TLK1: variants seen among roughly 807,000 people sequenced by gnomAD.
TLK1 encodes the protein serine/threonine-protein kinase tousled-like 1.
Under a neutral mutation model 105.3 loss-of-function variants are expected in TLK1, and 24 were observed. The observed-to-expected ratio is 0.23, with a 90% CI of 0.17 to 0.32. The LOEUF (loss-of-function observed/expected upper bound fraction) is 0.32. TLK1 is among the 10% of genes least tolerant of loss of function. The pLI is 1.00. For missense variants in TLK1, 558 were observed against 910.5 expected (o/e 0.61, Z 4.98); for synonymous variants, 321 against 310.4 (o/e 1.03, Z -0.36).
At chr2:171,033,914 A>T (rs1686184364) in intron 11 of TLK1, among the ~76,000 whole-genome samples, 1 of 150,822 alleles carries the variant, frequency 6.6e-6, no homozygotes, top group Non-Finnish European at 1.5e-5. Flanking sequence ...AAAACCTCCC[A>T]CAACAACAAA....
At chr2:171,046,417 T>G (rs1686964349) in intron 10 of TLK1, 55 bp from the exon 11 acceptor site, 2 of 1,478,920 alleles carry the variant, frequency 1.4e-6, no homozygotes, top group Non-Finnish European at 1.8e-6. Context: ...TTTTCAAGGC[T>G]AAACTTGGAA....
chr2:171,143,081 A>G (rs1691648742), intron 1 of TLK1, among the ~76,000 whole-genome samples: 1 of 152,206 alleles, frequency 6.6e-6, no homozygotes, highest in African/African-American at 2.4e-5. Context: ...GTCTCTCAAT[A>G]AATGAATGAC....
At chr2:171,014,267 T>A (rs1685065811) in intron 13 of TLK1, among the ~76,000 whole-genome samples, 1 of 151,962 alleles carries the variant, frequency 6.6e-6, no homozygotes, top group Non-Finnish European at 1.5e-5. Flanking sequence ...AGGAGACAAA[T>A]AATAACTAAA....
chr2:171,114,544 T>C (rs1690325159), intron 2 of TLK1, among the ~76,000 whole-genome samples: 2 of 151,908 alleles, frequency 1.3e-5, no homozygotes. Context: ...CTCTAGAAAC[T>C]AAAAAAGGTG....
intron 12 of TLK1, among the ~76,000 whole-genome samples, chr2:171,021,433 CTTT>C (rs531522490): frequency 2.5e-4 from 29 of 116,772 alleles, no homozygotes; most frequent in African/African-American, 9.7e-4. Context: ...CCCGCCCCGA[CTTT>C]TTTTTTTTTT....
At chr2:171,123,055 A>AC (rs1558954550) in intron 1 of TLK1, among the ~76,000 whole-genome samples, 3 of 79,242 alleles carry the variant, frequency 3.8e-5, no homozygotes, top group Admixed American at 3.7e-4. Context: ...TAAATAAATA[A>AC]ATACACACAC....
intron 3 of TLK1, among the ~76,000 whole-genome samples, chr2:171,080,276 T>A (rs1226653560): frequency 6.6e-6 from 1 of 151,190 alleles, no homozygotes; most frequent in Non-Finnish European, 1.5e-5. Flanking sequence ...ACAACTGTAG[T>A]AAATTGGAGA....
At chr2:171,212,002 C>T (rs903952170) in intron 1 of TLK1, among the ~76,000 whole-genome samples, 12 of 152,106 alleles carry the variant, frequency 7.9e-5, no homozygotes, top group Middle Eastern at 3.4e-3. Context: ...TGCACCACTA[C>T]GCCCAGCTAA....
At chr2:171,098,130 A>T (rs1429074495) in intron 2 of TLK1, among the ~76,000 whole-genome samples, 2 of 151,940 alleles carry the variant, frequency 1.3e-5, no homozygotes, top group East Asian at 3.9e-4. Context: ...AGATTTTGGT[A>T]AAAGGGTACA....
chr2:171,146,571 A>C (rs1005448607), intron 1 of TLK1, among the ~76,000 whole-genome samples: 3 of 152,222 alleles, frequency 2.0e-5, no homozygotes, highest in Non-Finnish European at 4.4e-5. Flanking sequence ...AATTAACATC[A>C]CTACCATATA....
At chr2:171,214,599 A>T (rs1192297010) in intron 1 of TLK1, among the ~76,000 whole-genome samples, 1 of 152,056 alleles carries the variant, frequency 6.6e-6, no homozygotes, top group East Asian at 1.9e-4. Flanking sequence ...CCACCCTACA[A>T]TTTCTGATTC....
At chr2:171,059,358 A>C (rs1199118893) in intron 4 of TLK1, among the ~76,000 whole-genome samples, 2 of 152,192 alleles carry the variant, frequency 1.3e-5, no homozygotes. Context: ...CCTTCACCCT[A>C]CATGGCACAT....
chr2:171,011,496 C>T (rs1224070384), intron 13 of TLK1, 42 bp from the exon 14 acceptor site: 2 of 1,548,864 alleles, frequency 1.3e-6, no homozygotes, highest in South Asian at 1.2e-5. Flanking sequence ...AAAACACACA[C>T]ATAAAAATTC....
At position 171,081,772 on chromosome 2, in the gene TLK1, C is replaced by T. The variant is rs930313632; in HGVS notation, c.330+1009G>A. On this transcript the variant is annotated intron_variant, in intron 3 of 20. Coordinates refer to ENST00000431350, the MANE Select transcript of TLK1 (RefSeq NM_012290.5). ...CATACTCCTTTGTAGTGTCAGGGTG[C>T]CTGCACAGAACTGCACGAAACTGTC... 13 of 1,162,540 alleles carry T rather than the reference C, an allele frequency of 1.1e-5. No homozygotes were observed. The African/African-American group carries it at 1.5e-4, about 13-fold the overall frequency. The allele number at this position is 1,162,540 out of a possible 1,614,324, so 72.0% of individuals were successfully genotyped here. A position where few individuals can be genotyped will look rare whatever the true frequency, so the allele number is the denominator to read the frequency against.
At chr2:171,014,254 G>A (rs1166112755) in intron 13 of TLK1, among the ~76,000 whole-genome samples, 1 of 152,138 alleles carries the variant, frequency 6.6e-6, no homozygotes, top group Admixed American at 6.5e-5. Flanking sequence ...ACATTCTAGA[G>A]GGAGGAGACA....
At chr2:171,116,426 C>A (rs1008186875) in intron 2 of TLK1, among the ~76,000 whole-genome samples, 1 of 152,084 alleles carries the variant, frequency 6.6e-6, no homozygotes, top group Non-Finnish European at 1.5e-5. Context: ...ATAGGCCGAC[C>A]GTGGTGGCTC....
intron 12 of TLK1, among the ~76,000 whole-genome samples, chr2:171,022,034 C>T (rs1043798995): frequency 4.0e-5 from 6 of 150,388 alleles, no homozygotes; most frequent in Non-Finnish European, 5.9e-5. Flanking sequence ...ACCTGGGAAG[C>T]GGAGGCTGCA....
intron 1 of TLK1, among the ~76,000 whole-genome samples, chr2:171,217,113 A>T (rs1693727847): frequency 6.6e-6 from 1 of 152,208 alleles, no homozygotes; most frequent in South Asian, 2.1e-4. Context: ...ACAGAACAGG[A>T]GTCCCACTTG....
chr2:171,107,442 T>TG (rs1689977767), intron 2 of TLK1, among the ~76,000 whole-genome samples: 1 of 152,170 alleles, frequency 6.6e-6, no homozygotes, highest in Admixed American at 6.5e-5. Flanking sequence ...ATAATTATAT[T>TG]GGGGATGTCA....
Sources: gnomAD v4.1 joint callset for allele counts (sites outside exome capture counted in the v4.1 genomes callset) on GRCh38, gnomAD v4.1.1 for gene constraint, MANE v1.5 for transcripts, NCBI Gene and HGNC (gene_info 2026-07-23, HGNC 2026-07-21) for gene names.